The following BMPR1A variants were observed in gnomAD, a reference collection of about 807,000 sequenced individuals.
BMPR1A encodes the protein bone morphogenetic protein receptor type 1A.
Under a neutral mutation model 66.0 loss-of-function variants are expected in BMPR1A, and 7 were observed. The observed-to-expected ratio is 0.11, with a 90% CI of 0.06 to 0.20. The LOEUF (loss-of-function observed/expected upper bound fraction) is 0.20, where lower values mean the gene tolerates loss of function less well. BMPR1A is among the 10% of genes least tolerant of loss of function. The pLI, the probability that BMPR1A is intolerant of heterozygous loss-of-function variation, is 1.00. For synonymous variants in BMPR1A, 200 were observed against 229.7 expected (o/e 0.87, Z 1.17); for missense variants, 408 against 669.1 (o/e 0.61, Z 4.31).
rs143551903 is a variant in BMPR1A, at chr10:86,830,512, A to G, written c.-267-8353A>G. ...CGTGTCCACATTTGGTGTTGTCACT[A>G]TTTTTTTATTTTAGCTGTGCCAGTA... On this transcript the variant is annotated intron_variant, in intron 1 of 12. Coordinates refer to ENST00000372037, the MANE Select transcript of BMPR1A (RefSeq NM_004329.3). Among the ~76,000 whole-genome samples, 4 of 152,104 alleles carry G rather than the reference A, an allele frequency of 2.6e-5. No homozygotes were observed. In the East Asian group the frequency reaches 5.8e-4, roughly 22 times the overall value.
intron 1 of BMPR1A, among the ~76,000 whole-genome samples, chr10:86,826,411 A>AACACACAC (rs34389289): frequency 0.19 from 27,572 of 146,924 alleles, 3,231 homozygotes; most frequent in East Asian, 0.52. Context: ...CAATCAAGGA[A>AACACACAC]ACACACACAC....
At chr10:86,895,800 G>A (rs1843216231) in intron 5 of BMPR1A, among the ~76,000 whole-genome samples, 1 of 152,000 alleles carries the variant, frequency 6.6e-6, no homozygotes, top group Non-Finnish European at 1.5e-5. Flanking sequence ...GGCCGAGGCG[G>A]GCAGATCGCT....
In BMPR1A at chr10:86,926,070, TTACAGCCA is replaced by T. The variant is rs200855194; in HGVS notation, c.*2352_*2359del. The T allele has an allele frequency of 0.056, 9,671 of 173,132 alleles. 678 individuals are homozygous for T. The highest frequency in any genetic ancestry group is 0.17 in the African/African-American group (7,143 of 42,118). The allele number at this position is 173,132 out of a possible 1,614,324, so 10.7% of individuals were successfully genotyped here. On this transcript the variant is annotated 3_prime_UTR_variant, in exon 13 of 13. Coordinates refer to ENST00000372037, the MANE Select transcript of BMPR1A (RefSeq NM_004329.3). The stretch of plus-strand genomic sequence containing the variant: ...TCAAATGGTGTGTGGAAGCAAAAAA[TTACAGCCA>T]GTATATGAGACCACTATTATGGTTT...
chr10:86,775,424 T>G (rs559455515), intron 1 of BMPR1A, among the ~76,000 whole-genome samples: 22 of 152,210 alleles, frequency 1.4e-4, no homozygotes, highest in Admixed American at 9.8e-4. Context: ...AACACGAAAG[T>G]CAAATGTTGT....
chr10:86,854,465 GT>G (rs1175767298), intron 2 of BMPR1A, among the ~76,000 whole-genome samples: 3 of 152,206 alleles, frequency 2.0e-5, no homozygotes, highest in African/African-American at 7.2e-5. Context: ...CACAATTTGT[GT>G]TTAGAGACTG....
At chr10:86,879,286 T>C (rs1475100103) in intron 3 of BMPR1A, among the ~76,000 whole-genome samples, 1 of 152,210 alleles carries the variant, frequency 6.6e-6, no homozygotes, top group African/African-American at 2.4e-5. Flanking sequence ...CTCTTTTTAA[T>C]TGATAAATCT....
chr10:86,875,650 G>A (rs1414559652), intron 2 of BMPR1A, among the ~76,000 whole-genome samples: 10 of 151,612 alleles, frequency 6.6e-5, no homozygotes, highest in Non-Finnish European at 1.5e-4. Flanking sequence ...TGTACATATG[G>A]CTAATCTGAG....
chr10:86,766,791 G>A (rs1841170197), intron 1 of BMPR1A, among the ~76,000 whole-genome samples: 1 of 150,404 alleles, frequency 6.6e-6, no homozygotes, highest in Admixed American at 6.6e-5. Context: ...TGTATTTTTA[G>A]TGGAGACGGG....
At position 86,927,039 on chromosome 10, in the gene BMPR1A, T is replaced by G; in HGVS notation, c.*3320T>G. ...TTTAATCAGTATTTTTACATTGCCT[T>G]TCCAGTGTCCAGAAGTGTTTCTAAA... On this transcript the variant is annotated 3_prime_UTR_variant, in exon 13 of 13. Coordinates refer to ENST00000372037, the MANE Select transcript of BMPR1A (RefSeq NM_004329.3). 5.3e-6 allele frequency: 1 copy of G among 187,108 alleles called. No individual in the cohort carries two copies. Among genetic ancestry groups the G allele is most frequent in the Non-Finnish European group, 1.1e-5 (1 of 88,662 alleles). The allele number at this position is 187,108 out of a possible 1,614,324, so 11.6% of individuals were successfully genotyped here.
intron 1 of BMPR1A, among the ~76,000 whole-genome samples, chr10:86,833,571 C>T (rs867672267): frequency 3.3e-5 from 5 of 152,210 alleles, no homozygotes; most frequent in Middle Eastern, 3.4e-3. Flanking sequence ...TTTTGGCTAA[C>T]GGTGCTGCCA....
intron 7 of BMPR1A, among the ~76,000 whole-genome samples, chr10:86,901,463 C>T (rs957788982): frequency 3.3e-5 from 5 of 152,182 alleles, no homozygotes; most frequent in South Asian, 2.1e-4. Flanking sequence ...TGGCCAGTTC[C>T]GAAGTTCTTG....
Position 86,911,176 on chromosome 10 carries a change from ATT to A in BMPR1A, c.531-1063_531-1062del, listed in dbSNP as rs1191686712. Among the ~76,000 whole-genome samples, 193 of 150,760 alleles carry A rather than the reference ATT, an allele frequency of 1.3e-3. 3 individuals carry two copies. Among genetic ancestry groups the A allele is most frequent in the African/African-American group, 3.6e-3 (148 of 40,768 alleles). On this transcript the variant is annotated intron_variant, in intron 7 of 12. Coordinates refer to ENST00000372037, the MANE Select transcript of BMPR1A (RefSeq NM_004329.3). ...TCTCAAAAAAAAAAAAAAAAAAAAA[ATT>A]AAACCTTGAGAACATATTTCTTGAC...
At chr10:86,921,818 G>A in intron 11 of BMPR1A, 123 bp downstream of exon 11, 2 of 1,234,590 alleles carry the variant, frequency 1.6e-6, no homozygotes, top group South Asian at 2.7e-5. Flanking sequence ...TATATTATTG[G>A]ATAAGGAGTT....
chr10:86,881,198 C>T (rs986346922), intron 3 of BMPR1A, among the ~76,000 whole-genome samples: 2 of 152,064 alleles, frequency 1.3e-5, no homozygotes, highest in Non-Finnish European at 2.9e-5. Flanking sequence ...CCAATGATGA[C>T]GCCACTGCAC....
In BMPR1A at chr10:86,875,852, A is replaced by G. The variant is rs1554886779; in HGVS notation, c.-152-15A>G. 3.0e-6 allele frequency: 2 copies of G among 664,544 alleles called. No homozygotes were observed. The highest frequency in any genetic ancestry group is 1.8e-5 in the South Asian group (1 of 55,204). 41.2% of individuals were successfully genotyped at this position (664,544 alleles called of 1,614,324 possible). A position where few individuals can be genotyped will look rare whatever the true frequency, so the allele number is the denominator to read the frequency against. Reference sequence around the variant, plus strand: ...CAGTTGTATTCCTTACCTTTTAAATATTTTTGTCTTTCAGGAGTCGTAAGA... The same window carrying G: ...CAGTTGTATTCCTTACCTTTTAAATGTTTTTGTCTTTCAGGAGTCGTAAGA... On this transcript the variant is annotated splice_polypyrimidine_tract_variant and intron_variant, in intron 2 of 12. Coordinates refer to ENST00000372037, the MANE Select transcript of BMPR1A (RefSeq NM_004329.3).
At chr10:86,810,064 G>A (rs1841948130) in intron 1 of BMPR1A, among the ~76,000 whole-genome samples, 1 of 151,860 alleles carries the variant, frequency 6.6e-6, no homozygotes, top group African/African-American at 2.4e-5. Flanking sequence ...TCCGCCTCCC[G>A]GGTTCAAGCG....
At chr10:86,855,100 T>C (rs1200534619) in intron 2 of BMPR1A, 1 of 258,904 alleles carries the variant, frequency 3.9e-6, no homozygotes, top group African/African-American at 2.2e-5. Context: ...GCCCAGCTAA[T>C]TATTGTATTT....
At chr10:86,764,683 T>G (rs1841135207) in intron 1 of BMPR1A, among the ~76,000 whole-genome samples, 1 of 152,174 alleles carries the variant, frequency 6.6e-6, no homozygotes, top group Non-Finnish European at 1.5e-5. Context: ...TTTATCAGCC[T>G]AAGTCACGTA....
In BMPR1A at chr10:86,925,630, CGT is replaced by C. The variant is rs1843728770; in HGVS notation, c.*1912_*1913del. On this transcript the variant is annotated 3_prime_UTR_variant, in exon 13 of 13. Transcript: ENST00000372037. ...ATACAAATATTTTAATCTGCGTTGC[CGT>C]ATGATATGATTGCACTTAGAACACC... 5.1e-6 allele frequency: 1 copy of C among 195,728 alleles called. No homozygotes were observed. Among genetic ancestry groups the C allele is most frequent in the African/African-American group, 2.3e-5 (1 of 43,100 alleles). The allele number at this position is 195,728 out of a possible 1,614,324, so 12.1% of individuals were successfully genotyped here.
Sources: gnomAD v4.1 joint callset for allele counts (sites outside exome capture counted in the v4.1 genomes callset) on GRCh38, gnomAD v4.1.1 for gene constraint, MANE v1.5 for transcripts, NCBI Gene and HGNC (gene_info 2026-07-23, HGNC 2026-07-21) for gene names.